Variants in C11orf97 observed in about 807,000 individuals in gnomAD.
C11orf97 encodes the protein chromosome 11 open reading frame 97, also known as uncharacterized protein C11orf97.
C11orf97 carries 15 observed loss-of-function variants against 16.2 expected under a neutral mutation model. The observed-to-expected ratio is 0.93, with a 90% CI of 0.62 to 1.43. C11orf97 has a LOEUF of 1.43. Ranked by LOEUF, C11orf97 falls within the 40% of genes most tolerant of loss-of-function variation. The pLI, the probability that C11orf97 is intolerant of heterozygous loss-of-function variation, is 0.00. For missense variants in C11orf97, 171 were observed against 161.2 expected (o/e 1.06, Z -0.33); for synonymous variants, 61 against 65.7 (o/e 0.93, Z 0.34).
chr11:94,512,521 G>A lies in C11orf97; in HGVS notation c.-8G>A, dbSNP rs1260138068. ...CCGTGCCCAGGGCTCTCGGAAGACC[G>A]CTGCGGCATGACAGGCGAGGAGGCG... On this transcript the variant is annotated 5_prime_UTR_variant, in exon 1 of 4. Coordinates refer to ENST00000542198, the MANE Select transcript of C11orf97 (RefSeq NM_001190462.2). The A allele has an allele frequency of 6.9e-6, 9 of 1,300,746 alleles. No individual in the cohort carries two copies. Among genetic ancestry groups the A allele is most frequent in the Non-Finnish European group, 7.8e-6 (8 of 1,024,758 alleles). The allele number at this position is 1,300,746 out of a possible 1,614,324, so 80.6% of individuals were successfully genotyped here. A position where few individuals can be genotyped will look rare whatever the true frequency, so the allele number is the denominator to read the frequency against.
chr11:94,530,267 G>A (rs1947728391), intron 3 of C11orf97, among the ~76,000 whole-genome samples: 1 of 152,148 alleles, frequency 6.6e-6, no homozygotes, highest in Non-Finnish European at 1.5e-5. Flanking sequence ...AGCCCTTACA[G>A]TGGTCATGTT....
intron 2 of C11orf97, 134 bp downstream of exon 2, chr11:94,517,821 T>A: frequency 1.6e-6 from 1 of 614,748 alleles, no homozygotes; most frequent in Non-Finnish European, 2.6e-6. Flanking sequence ...AGTTTATAAT[T>A]AATTTGCTTA....
Position 94,513,462 on chromosome 11 carries a change from CAGA to C in C11orf97, c.145+790_145+792del, listed in dbSNP as rs556916553. Among the ~76,000 whole-genome samples, 3 of 152,350 alleles carry C rather than the reference CAGA, an allele frequency of 2.0e-5. No homozygotes were observed. In the East Asian group the frequency reaches 5.8e-4, roughly 29 times the overall value. ...TGGTGAGAAGAATAAGCCAGAGGAA[CAGA>C]GTAGTTTCCAGCCTTCCTGCAGCAC... is the stretch of plus-strand genomic sequence containing the variant. On this transcript the variant is annotated intron_variant, in intron 1 of 3. Coordinates refer to ENST00000542198, the MANE Select transcript of C11orf97 (RefSeq NM_001190462.2).
At chr11:94,518,210 G>A (rs1947629026) in intron 2 of C11orf97, among the ~76,000 whole-genome samples, 1 of 150,824 alleles carries the variant, frequency 6.6e-6, no homozygotes, top group Non-Finnish European at 1.5e-5. Flanking sequence ...CTTTCTTGGT[G>A]GAGTTATTTC....
At chr11:94,525,953 G>C (rs1299921532) in intron 2 of C11orf97, among the ~76,000 whole-genome samples, 1 of 152,208 alleles carries the variant, frequency 6.6e-6, no homozygotes, top group Non-Finnish European at 1.5e-5. Flanking sequence ...CTGAGTAGAA[G>C]GTGTTGGAGG....
In C11orf97 at chr11:94,528,219, TG is replaced by T; in HGVS notation, c.376+11del. ...CACGGAGGACTCAGAAGTAAGACCCTGATGCCCTTGACTTCCACTGAAGCCC... is the reference window on the plus strand; with the variant it reads ...CACGGAGGACTCAGAAGTAAGACCCTATGCCCTTGACTTCCACTGAAGCCC... On this transcript the variant is annotated intron_variant, in intron 3 of 3. Coordinates refer to ENST00000542198, the MANE Select transcript of C11orf97 (RefSeq NM_001190462.2). 1 of 1,528,852 alleles carries T rather than the reference TG, an allele frequency of 6.5e-7. No homozygotes were observed. The allele number at this position is 1,528,852 out of a possible 1,614,324, so 94.7% of individuals were successfully genotyped here.
intron 1 of C11orf97, among the ~76,000 whole-genome samples, chr11:94,515,391 T>A (rs1370076750): frequency 2.0e-5 from 3 of 152,116 alleles, no homozygotes; most frequent in Non-Finnish European, 2.9e-5. Flanking sequence ...TAGTCATACT[T>A]CTCAGTGATC....
In C11orf97 at chr11:94,531,935, T is replaced by C; in HGVS notation, c.*35T>C. The C allele has an allele frequency of 6.9e-7, 1 of 1,450,352 alleles. No homozygotes were observed. Among genetic ancestry groups the C allele is most frequent in the Non-Finnish European group, 9.1e-7 (1 of 1,102,826 alleles). The allele number at this position is 1,450,352 out of a possible 1,614,324, so 89.8% of individuals were successfully genotyped here. ...GATTTTCCATTAAGAAGGAACCTCT[T>C]TCTGCTGATGTCTGAAGAACGGAGA... On this transcript the variant is annotated 3_prime_UTR_variant, in exon 4 of 4. Coordinates refer to ENST00000542198, the MANE Select transcript of C11orf97 (RefSeq NM_001190462.2).
intron 2 of C11orf97, among the ~76,000 whole-genome samples, chr11:94,522,431 G>A (rs1947665119): frequency 6.6e-6 from 1 of 152,150 alleles, no homozygotes; most frequent in Non-Finnish European, 1.5e-5. Context: ...CAGCTACTCG[G>A]GAGACTGAGG....
At chr11:94,521,308 A>G (rs376438433) in intron 2 of C11orf97, among the ~76,000 whole-genome samples, 13 of 152,236 alleles carry the variant, frequency 8.5e-5, no homozygotes, top group African/African-American at 2.9e-4. Flanking sequence ...TGAAAGTGAT[A>G]CATGTCAGTA....
In C11orf97 at chr11:94,512,558, C is replaced by A; in HGVS notation, c.30C>A (p.Thr10=). 1.5e-6 allele frequency: 2 copies of A among 1,312,040 alleles called. No homozygotes were observed. The highest frequency in any genetic ancestry group is 2.1e-5 in the South Asian group (1 of 46,940). The allele number at this position is 1,312,040 out of a possible 1,614,324, so 81.3% of individuals were successfully genotyped here. The change falls in exon 1 of 4, where the codon ACC becomes ACA. Residue 10 remains threonine (T), a synonymous_variant. Transcript: ENST00000542198. ...CAGGCGAGGAGGCGGTGGTGGTGAC[C>A]GCAGTGGTGGCGCCCAAGGCGGGTC... MTGEEAVVV[T]AVVAPKAGRE...
chr11:94,531,201 A>T (rs1240714403), intron 3 of C11orf97, among the ~76,000 whole-genome samples: 1 of 152,176 alleles, frequency 6.6e-6, no homozygotes, highest in Non-Finnish European at 1.5e-5. Flanking sequence ...GCACTCTGGG[A>T]GGCCAAGGCG....
In C11orf97 at chr11:94,514,860, G is replaced by A. The variant is rs548507430; in HGVS notation, c.145+2187G>A. On this transcript the variant is annotated intron_variant, in intron 1 of 3. Coordinates refer to ENST00000542198, the MANE Select transcript of C11orf97 (RefSeq NM_001190462.2). Reference sequence around the variant, plus strand: ...GGGTTTCACCATGTTGGCCAGGCTGGTCTTGGACTCCTGACCTCAAGTAAT... The same window carrying A: ...GGGTTTCACCATGTTGGCCAGGCTGATCTTGGACTCCTGACCTCAAGTAAT... 1.2e-4 allele frequency among the ~76,000 whole-genome samples: 18 copies of A among 151,978 alleles called. No individual in the cohort carries two copies. The East Asian group carries it at 3.3e-3, about 28-fold the overall frequency.
intron 2 of C11orf97, among the ~76,000 whole-genome samples, chr11:94,522,065 C>T (rs556381468): frequency 6.6e-6 from 1 of 152,348 alleles, no homozygotes; most frequent in Admixed American, 6.5e-5. Context: ...TGATGTTTAT[C>T]GGAGTGTTTC....
chr11:94,515,448 A>T (rs368443382), intron 1 of C11orf97, among the ~76,000 whole-genome samples: 4 of 152,122 alleles, frequency 2.6e-5, no homozygotes, highest in African/African-American at 9.7e-5. Flanking sequence ...CGACCAATCC[A>T]CTTAAAATGC....
Position 94,522,531 on chromosome 11 carries a change from G to A in C11orf97, c.250+4844G>A, listed in dbSNP as rs111993541. Among the ~76,000 whole-genome samples the A allele has an allele frequency of 3.1e-3, 475 of 152,078 alleles. 3 individuals carry two copies. The highest frequency in any genetic ancestry group is 0.011 in the African/African-American group (437 of 41,412). On this transcript the variant is annotated intron_variant, in intron 2 of 3. Coordinates refer to ENST00000542198, the MANE Select transcript of C11orf97 (RefSeq NM_001190462.2). ...GGCCTGGGCAACAGAGTGAGACTCCGTCTCAAAACAAACAAACAAACAAAC... is the reference window on the plus strand; with the variant it reads ...GGCCTGGGCAACAGAGTGAGACTCCATCTCAAAACAAACAAACAAACAAAC...
rs569452313 is a variant in C11orf97 at position 94,518,524 on chromosome 11, CA to C, written c.250+838del. Among the ~76,000 whole-genome samples, 95 of 152,120 alleles carry C rather than the reference CA, an allele frequency of 6.2e-4. 1 individual carries two copies. The highest frequency in any genetic ancestry group is 1.2e-3 in the Non-Finnish European group (81 of 68,024). ...GCAGAACCTAAGTCATTTACATGGT[CA>C]GATCATCCAAGGATTTCATCCCGTA... On this transcript the variant is annotated intron_variant, in intron 2 of 3. Coordinates refer to ENST00000542198, the MANE Select transcript of C11orf97 (RefSeq NM_001190462.2).
intron 2 of C11orf97, among the ~76,000 whole-genome samples, chr11:94,525,282 T>C (rs1947691039): frequency 6.6e-6 from 1 of 152,182 alleles, no homozygotes; most frequent in South Asian, 2.1e-4. Flanking sequence ...GTTATAGTAG[T>C]CATGAAAAAT....
chr11:94,526,932 C>T (rs1947705539), intron 2 of C11orf97, among the ~76,000 whole-genome samples: 1 of 152,180 alleles, frequency 6.6e-6, no homozygotes, highest in Admixed American at 6.5e-5. Context: ...AATGACTGTA[C>T]CTCCAGTCAC....
Sources: gnomAD v4.1 joint callset for allele counts (sites outside exome capture counted in the v4.1 genomes callset) on GRCh38, gnomAD v4.1.1 for gene constraint, MANE v1.5 for transcripts, NCBI Gene and HGNC (gene_info 2026-07-23, HGNC 2026-07-21) for gene names.